The following PRTG variants were observed in gnomAD, a reference collection of about 807,000 sequenced individuals.
PRTG encodes immunoglobulin superfamily, DCC subclass, member 5.
In PRTG, 67 loss-of-function variants were observed where a neutral mutation model predicts 122.5. The observed-to-expected ratio is 0.55, with a 90% CI of 0.45 to 0.67. The LOEUF is 0.67. Among genes scored for constraint, PRTG ranks in the 30% least tolerant of loss-of-function variants. PRTG has a pLI of 0.00. For synonymous variants in PRTG, 554 were observed against 501.1 expected, an observed-to-expected ratio of 1.11 and a Z score of -1.41; for missense variants, 1,435 against 1,415.4, an observed-to-expected ratio of 1.01 and a Z score of -0.22.
chr15:55,705,747 C>A (rs2030080826), intron 2 of PRTG, among the ~76,000 whole-genome samples: 1 of 152,036 alleles, frequency 6.6e-6, no homozygotes, highest in Non-Finnish European at 1.5e-5. Context: ...AGTCTCCTAC[C>A]TATTTCTGAT....
intron 2 of PRTG, among the ~76,000 whole-genome samples, chr15:55,684,636 A>G (rs765011516): frequency 1.3e-5 from 2 of 152,200 alleles, no homozygotes; most frequent in Non-Finnish European, 2.9e-5. Flanking sequence ...GATGGATAGA[A>G]TAAAGGAGTC....
intron 1 of PRTG, among the ~76,000 whole-genome samples, chr15:55,741,358 A>G (rs1053165756): frequency 1.4e-4 from 21 of 152,370 alleles, no homozygotes; most frequent in Admixed American, 1.0e-3. Context: ...TGATCGGATT[A>G]AGAAACTTTT....
chr15:55,664,282 T>C (rs1031648546), intron 11 of PRTG, among the ~76,000 whole-genome samples: 3 of 151,956 alleles, frequency 2.0e-5, no homozygotes, highest in Admixed American at 6.6e-5. Flanking sequence ...GCTGGGATTA[T>C]AGGTGTCTGC....
Position 55,686,161 on chromosome 15 carries a change from T to C in PRTG, c.398-2230A>G, listed in dbSNP as rs1234842231. On this transcript the variant is annotated intron_variant, in intron 2 of 19. Transcript: ENST00000389286. The stretch of plus-strand genomic sequence containing the variant: ...GTCTTTTTATAATTAACTTAAACTA[T>C]GTTGAATACATTTATCTTGGGGGGA... Among the ~76,000 whole-genome samples the C allele has an allele frequency of 2.6e-5, 4 of 152,272 alleles. No homozygotes were observed. The East Asian group carries it at 7.7e-4, about 29-fold the overall frequency.
intron 2 of PRTG, among the ~76,000 whole-genome samples, chr15:55,720,787 T>C (rs1235380587): frequency 6.6e-6 from 1 of 152,192 alleles, no homozygotes; most frequent in African/African-American, 2.4e-5. Context: ...CTAACACTAA[T>C]GATAGGTGAT....
intron 2 of PRTG, among the ~76,000 whole-genome samples, chr15:55,704,306 A>T (rs562591106): frequency 6.6e-6 from 1 of 152,368 alleles, no homozygotes; most frequent in Non-Finnish European, 1.5e-5. Flanking sequence ...TAAAGCATTA[A>T]GAAGAGTGAG....
rs1384179775 is a variant in PRTG, at chr15:55,677,944, C to T, written c.1234G>A (p.Val412Ile). ...GSILSRARLT[V>I]VMSEDRPSAP... ...CTGGGTCTGTCTTCTGACATCACTACAGTCAGTCTGGCTCTAGATAAAATA... is the reference window on the plus strand; with the variant it reads ...CTGGGTCTGTCTTCTGACATCACTATAGTCAGTCTGGCTCTAGATAAAATA... Residue 412 changes from valine (V) to isoleucine (I), a missense_variant, in exon 8 of 20, where the codon GTA (valine) becomes ATA (isoleucine). Coordinates refer to ENST00000389286, the MANE Select transcript of PRTG (RefSeq NM_173814.6). 1 of 1,613,480 alleles carries T rather than the reference C, an allele frequency of 6.2e-7. No homozygotes were observed. The highest frequency in any genetic ancestry group is 2.2e-5 in the East Asian group (1 of 44,856).
rs1188610824 is a variant in PRTG, at chr15:55,615,935, A to G, written c.*4077T>C. On this transcript the variant is annotated 3_prime_UTR_variant, in exon 20 of 20. Coordinates refer to ENST00000389286, the MANE Select transcript of PRTG (RefSeq NM_173814.6). ...ACTTGAACAATGATCCTGGGTTGTC[A>G]ACCACGAGCACATTTCTGGCAGAAG... 6.6e-6 allele frequency: 1 copy of G among 152,160 alleles called. No individual in the cohort carries two copies. Among genetic ancestry groups the G allele is most frequent in the Non-Finnish European group, 1.5e-5 (1 of 68,000 alleles). 9.4% of individuals were successfully genotyped at this position (152,160 alleles called of 1,614,324 possible).
intron 14 of PRTG, 119 bp downstream of exon 14, chr15:55,638,430 A>G: frequency 6.2e-6 from 4 of 645,228 alleles, no homozygotes; most frequent in Non-Finnish European, 9.8e-6. Context: ...AAACAAATAC[A>G]TATATCAAGT....
intron 2 of PRTG, among the ~76,000 whole-genome samples, chr15:55,693,532 A>G (rs1222364717): frequency 6.6e-6 from 1 of 152,162 alleles, no homozygotes; most frequent in Non-Finnish European, 1.5e-5. Context: ...AAGCCAGTAC[A>G]GACCAGCATA....
rs2059517183 is a variant in PRTG, at chr15:55,678,434, CA to C, written c.1134-391del. On this transcript the variant is annotated intron_variant, in intron 7 of 19. Coordinates refer to ENST00000389286, the MANE Select transcript of PRTG (RefSeq NM_173814.6). ...AACTTTTTGTAATTTTTTGTAGAGA[CA>C]AGGTCTCACTGTGTTGCCCAGGTTG... Among the ~76,000 whole-genome samples, 3 of 152,084 alleles carry C rather than the reference CA, an allele frequency of 2.0e-5. No homozygotes were observed. The South Asian group carries it at 6.2e-4, about 32-fold the overall frequency.
chr15:55,685,977 G>A (rs966915806), intron 2 of PRTG, among the ~76,000 whole-genome samples: 15 of 152,104 alleles, frequency 9.9e-5, no homozygotes, highest in African/African-American at 3.6e-4. Context: ...TTGCTAGGAT[G>A]TTTATCTGCA....
At chr15:55,640,525 G>A (rs2141735929) in intron 12 of PRTG, among the ~76,000 whole-genome samples, 1 of 152,274 alleles carries the variant, frequency 6.6e-6, no homozygotes, top group African/African-American at 2.4e-5. Flanking sequence ...TCCTTCTTAG[G>A]AGCAGTACAA....
chr15:55,670,841 G>A lies in PRTG; in HGVS notation c.2041+1604C>T, dbSNP rs143340676. ...GCTTGAACCTGGAGGCAGAGGTTGC[G>A]GTGAGCTGAGATTGTGCCATTACAC... On this transcript the variant is annotated intron_variant, in intron 11 of 19. Coordinates refer to ENST00000389286, the MANE Select transcript of PRTG (RefSeq NM_173814.6). 9.2e-5 allele frequency among the ~76,000 whole-genome samples: 14 copies of A among 151,638 alleles called. 1 individual carries two copies. The highest frequency in any genetic ancestry group is 2.9e-4 in the African/African-American group (12 of 41,266).
At chr15:55,727,665 A>G (rs2031082206) in intron 2 of PRTG, among the ~76,000 whole-genome samples, 2 of 152,028 alleles carry the variant, frequency 1.3e-5, no homozygotes, top group Non-Finnish European at 2.9e-5. Flanking sequence ...GCGTGGTGGC[A>G]TACACCTGTA....
At chr15:55,670,441 A>T (rs933259020) in intron 11 of PRTG, among the ~76,000 whole-genome samples, 4 of 152,260 alleles carry the variant, frequency 2.6e-5, no homozygotes, top group African/African-American at 9.6e-5. Flanking sequence ...AACTAAGCAA[A>T]ATTTTCTCGA....
chr15:55,713,200 G>A (rs1249997574), intron 2 of PRTG, among the ~76,000 whole-genome samples: 1 of 152,122 alleles, frequency 6.6e-6, no homozygotes, highest in Non-Finnish European at 1.5e-5. Context: ...ACAAAATACT[G>A]TTCTGCATAG....
chr15:55,721,517 C>T (rs577498092), intron 2 of PRTG, among the ~76,000 whole-genome samples: 21 of 152,290 alleles, frequency 1.4e-4, no homozygotes, highest in African/African-American at 4.1e-4. Context: ...CTATTCCATA[C>T]GTACCGTGTT....
At position 55,628,954 on chromosome 15, in the gene PRTG, T is replaced by C. The variant is rs561420533; in HGVS notation, c.2674A>G (p.Ile892Val). ...TCATTGGATGCAGATATCTTGACAA[T>C]GTACACATTTCCTGCTACCAAGTTT... is the stretch of plus-strand genomic sequence containing the variant. ...LENLVAGNVY[I>V]VKISASNEVG... The change falls in exon 16 of 20, where the codon ATT becomes GTT. Residue 892 changes from isoleucine to valine, a missense_variant. Ile to Val is a conservative substitution (Grantham distance 29, BLOSUM62 3). Transcript: ENST00000389286. 68 of 1,613,278 alleles carry C rather than the reference T, an allele frequency of 4.2e-5. No homozygotes were observed. The Admixed American group carries it at 9.5e-4, about 23-fold the overall frequency.
Sources: allele counts gnomAD v4.1 joint callset (sites outside exome capture counted in the v4.1 genomes callset), GRCh38; gene constraint gnomAD v4.1.1; transcripts MANE v1.5; gene names NCBI Gene and HGNC (gene_info 2026-07-23, HGNC 2026-07-21).